The following OC90 variants were observed in gnomAD, a reference collection of about 807,000 sequenced individuals.
OC90 encodes the protein otoconin-90.
Under a neutral mutation model 47.3 loss-of-function variants are expected in OC90, and 46 were observed. The ratio of observed to expected loss-of-function variants is 0.97; its 90% confidence interval spans 0.77 to 1.24. The LOEUF (loss-of-function observed/expected upper bound fraction) is 1.24. Among genes scored for constraint, OC90 ranks in the 50% most tolerant of loss-of-function variants. The pLI is 0.00. For synonymous variants in OC90, 271 were observed against 219.5 expected, an observed-to-expected ratio of 1.23 and a Z score of -2.07; for missense variants, 688 against 583.9, an observed-to-expected ratio of 1.18 and a Z score of -1.84.
In OC90 at chr8:132,039,001, T is replaced by A. The variant is rs768250345; in HGVS notation, c.580A>T (p.Thr194Ser). The A allele has an allele frequency of 6.2e-7, 1 of 1,613,782 alleles. No individual in the cohort carries two copies. The highest frequency in any genetic ancestry group is 8.5e-7 in the Non-Finnish European group (1 of 1,179,854). Residue 194 changes from threonine (T) to serine (S), a missense_variant, in exon 7 of 14, where the codon ACT (threonine) becomes TCT (serine). Transcript: ENST00000254627. ...GCAGCCAGGTTCTTCCTACCTGGAG[T>A]CTGAGCCAGGCAGAAGGAGGTGTCC... is the stretch of plus-strand genomic sequence containing the variant. ...LLDTSFCLAQ[T>S]PETTIKEDLT... is the part of the protein sequence containing the mutation.
At chr8:132,050,060 C>T (rs1049856430) in intron 2 of OC90, among the ~76,000 whole-genome samples, 1 of 152,078 alleles carries the variant, frequency 6.6e-6, no homozygotes, top group Admixed American at 6.6e-5. Context: ...ATTGTGTCAC[C>T]CTAACAAGTC....
intron 10 of OC90, among the ~76,000 whole-genome samples, 163 bp downstream of exon 10, chr8:132,034,618 C>T (rs941893868): frequency 3.9e-5 from 6 of 152,210 alleles, no homozygotes; most frequent in African/African-American, 1.4e-4. Context: ...GGACCAGCTG[C>T]CACATTTGGG....
intron 12 of OC90, among the ~76,000 whole-genome samples, chr8:132,030,930 G>A (rs1822863959): frequency 6.6e-6 from 1 of 152,206 alleles, no homozygotes; most frequent in South Asian, 2.1e-4. Context: ...GCTATGACAA[G>A]CTTTGTCTTT....
At chr8:132,054,495 C>A (rs1051886327) in intron 2 of OC90, among the ~76,000 whole-genome samples, 1 of 152,148 alleles carries the variant, frequency 6.6e-6, no homozygotes, top group Non-Finnish European at 1.5e-5. Context: ...TCAATAACAC[C>A]TTCCCTGCTA....
chr8:132,032,898 G>A (rs550686069), intron 11 of OC90, 141 bp downstream of exon 11: 7 of 938,326 alleles, frequency 7.5e-6, no homozygotes, highest in Non-Finnish European at 1.1e-5. Flanking sequence ...GCCTCAAGGT[G>A]CTCATGCAGT....
At chr8:132,030,798 G>T (rs944979922) in intron 12 of OC90, among the ~76,000 whole-genome samples, 1 of 152,176 alleles carries the variant, frequency 6.6e-6, no homozygotes, top group African/African-American at 2.4e-5. Flanking sequence ...TAATGAAGCC[G>T]GGATGGCTGA....
chr8:132,044,968 T>C (rs1011386374), intron 3 of OC90, among the ~76,000 whole-genome samples: 2 of 152,212 alleles, frequency 1.3e-5, no homozygotes, highest in Admixed American at 6.5e-5. Context: ...GAGTTGTTTG[T>C]TATCTGGGAT....
intron 9 of OC90, among the ~76,000 whole-genome samples, chr8:132,036,618 G>T (rs1182696423): frequency 1.3e-5 from 2 of 152,222 alleles, no homozygotes; most frequent in Non-Finnish European, 2.9e-5. Flanking sequence ...CTGTGTTTAG[G>T]CACAAAGACC....
intron 2 of OC90, among the ~76,000 whole-genome samples, chr8:132,049,395 G>C (rs889068995): frequency 6.6e-6 from 1 of 152,126 alleles, no homozygotes; most frequent in Admixed American, 6.5e-5. Context: ...CTAGCTACCT[G>C]CCCGAGGATC....
At chr8:132,040,949 TGAGAGG>T in intron 6 of OC90, 89 bp downstream of exon 6, 2 of 779,210 alleles carry the variant, frequency 2.6e-6, no homozygotes, top group Non-Finnish European at 4.6e-6. Flanking sequence ...GACGATGATG[TGAGAGG>T]ATCACAATGC....
rs1012401977 is a variant in OC90, at chr8:132,033,273, G to C, written c.734-109C>G. On this transcript the variant is annotated intron_variant, in intron 10 of 13. Transcript: ENST00000254627. Reference sequence around the variant, plus strand: ...AACAGATAGAACAACATAGTGTTAGGAGAATGTTCCTCAAACTGGGTTTGC... The same window carrying C: ...AACAGATAGAACAACATAGTGTTAGCAGAATGTTCCTCAAACTGGGTTTGC... 4.5e-6 allele frequency: 5 copies of C among 1,118,986 alleles called. No individual in the cohort carries two copies. In the African/African-American group the frequency reaches 6.3e-5, roughly 14 times the overall value. The allele number at this position is 1,118,986 out of a possible 1,614,324, so 69.3% of individuals were successfully genotyped here.
At chr8:132,047,136 G>A (rs1009465209) in intron 2 of OC90, among the ~76,000 whole-genome samples, 3 of 152,092 alleles carry the variant, frequency 2.0e-5, no homozygotes, top group Non-Finnish European at 4.4e-5. Context: ...ACTGAGGCTC[G>A]CCAAGTCCTT....
In OC90 at chr8:132,025,218, G is replaced by A. The variant is rs535300224; in HGVS notation, c.1139-442C>T. On this transcript the variant is annotated intron_variant, in intron 13 of 13. Transcript: ENST00000254627. ...GGCAGATATGAGCAGGGCAGGATAGGGCCCCAAAGAATATCAGGCAACTGT... is the reference window on the plus strand; with the variant it reads ...GGCAGATATGAGCAGGGCAGGATAGAGCCCCAAAGAATATCAGGCAACTGT... Among the ~76,000 whole-genome samples, 4 of 152,300 alleles carry A rather than the reference G, an allele frequency of 2.6e-5. No homozygotes were observed. In the South Asian group the frequency reaches 6.2e-4, roughly 24 times the overall value.
chr8:132,025,639 GC>G (rs1822745845), intron 13 of OC90, among the ~76,000 whole-genome samples: 1 of 152,202 alleles, frequency 6.6e-6, no homozygotes, highest in African/African-American at 2.4e-5. Flanking sequence ...ATCTGTAAGA[GC>G]CCTGAGCCAA....
At chr8:132,038,145 A>T (rs759668468) in intron 8 of OC90, among the ~76,000 whole-genome samples, 28 of 152,234 alleles carry the variant, frequency 1.8e-4, no homozygotes, top group Non-Finnish European at 3.5e-4. Context: ...AAACTGGTGA[A>T]CAAGGAGTGG....
chr8:132,039,891 C>G (rs540431092), intron 6 of OC90, among the ~76,000 whole-genome samples: 99 of 152,284 alleles, frequency 6.5e-4, no homozygotes, highest in African/African-American at 2.3e-3. Flanking sequence ...AGAACCCCCC[C>G]TTTCCCTCCA....
At chr8:132,039,884 AC>A (rs934852533) in intron 6 of OC90, among the ~76,000 whole-genome samples, 2 of 149,238 alleles carry the variant, frequency 1.3e-5, no homozygotes, top group Non-Finnish European at 3.0e-5. Flanking sequence ...TTTAAAGAGA[AC>A]CCCCCCTTTC....
intron 2 of OC90, among the ~76,000 whole-genome samples, chr8:132,052,308 G>C (rs1823222908): frequency 6.6e-6 from 1 of 152,178 alleles, no homozygotes; most frequent in African/African-American, 2.4e-5. Context: ...ACTTGCTCTG[G>C]CACATTTTTC....
chr8:132,052,044 G>T (rs1823218302), intron 2 of OC90, among the ~76,000 whole-genome samples: 1 of 152,108 alleles, frequency 6.6e-6, no homozygotes, highest in African/African-American at 2.4e-5. Context: ...TTGGGTGTTT[G>T]TGAGGCTGCG....
Sources: allele counts gnomAD v4.1 joint callset (sites outside exome capture counted in the v4.1 genomes callset), GRCh38; gene constraint gnomAD v4.1.1; transcripts MANE v1.5; gene names NCBI Gene and HGNC (gene_info 2026-07-23, HGNC 2026-07-21).